The following POTEJ variants were observed in gnomAD, a reference collection of about 807,000 sequenced individuals.
POTEJ encodes POTE ankyrin domain family, member J.
Under a neutral mutation model 69.0 loss-of-function variants are expected in POTEJ, and 11 were observed. The ratio of observed to expected loss-of-function variants is 0.16; its 90% CI spans 0.10 to 0.26. The LOEUF is 0.26. POTEJ is among the 10% of genes least tolerant of loss of function. POTEJ has a pLI of 1.00. For missense variants in POTEJ, 327 were observed against 1,045.5 expected, an observed-to-expected ratio of 0.31 and a Z score of 9.48; for synonymous variants, 117 against 381.1, an observed-to-expected ratio of 0.31 and a Z score of 8.07.
intron 13 of POTEJ, among the ~76,000 whole-genome samples, chr2:130,654,670 A>T (rs139244514): frequency 0.019 from 2,760 of 142,574 alleles, 104 homozygotes; most frequent in African/African-American, 0.072. Context: ...TGCACAATGA[A>T]TGTAATTTAC....
intron 10 of POTEJ, among the ~76,000 whole-genome samples, chr2:130,642,287 G>C (rs1312929466): frequency 1.8e-5 from 2 of 113,996 alleles, no homozygotes; most frequent in Non-Finnish European, 3.5e-5. Context: ...TGGATGGAAA[G>C]ACTGGATAGA....
chr2:130,627,671 A>T (rs1685760640), intron 6 of POTEJ, among the ~76,000 whole-genome samples: 1 of 123,586 alleles, frequency 8.1e-6, no homozygotes, highest in Admixed American at 8.0e-5. Flanking sequence ...AAAGCAATAT[A>T]TAAATAACAA....
chr2:130,636,542 C>T (rs1431100401), intron 9 of POTEJ, among the ~76,000 whole-genome samples: 1 of 147,148 alleles, frequency 6.8e-6, no homozygotes, highest in Non-Finnish European at 1.5e-5. Context: ...CCACCACCCT[C>T]CCCATCAAAC....
At chr2:130,640,989 AG>A (rs1398619633) in intron 10 of POTEJ, among the ~76,000 whole-genome samples, 1 of 151,854 alleles carries the variant, frequency 6.6e-6, no homozygotes, top group Non-Finnish European at 1.5e-5. Flanking sequence ...AAAATGGGTT[AG>A]CAGGCTTTTT....
In POTEJ at chr2:130,634,106, A is replaced by C. The variant is rs533059241; in HGVS notation, c.1298+1450A>C. ...GACACTATGGACTGTAAAGTGAATA[A>C]GCATGGCTGTGTTCCAAAATACTTG... On this transcript the variant is annotated intron_variant, in intron 9 of 14. Coordinates refer to ENST00000409602, the MANE Select transcript of POTEJ (RefSeq NM_001277083.2). Among the ~76,000 whole-genome samples the C allele has an allele frequency of 8.3e-4, 127 of 152,280 alleles. 1 individual carries two copies. Among genetic ancestry groups the C allele is most frequent in the African/African-American group, 3.0e-3 (123 of 41,474 alleles).
At chr2:130,643,515 C>T (rs566402157) in intron 10 of POTEJ, among the ~76,000 whole-genome samples, 1 of 129,962 alleles carries the variant, frequency 7.7e-6, no homozygotes, top group East Asian at 2.1e-4. Context: ...GACCCTGACT[C>T]ATTAAAAAAA....
At chr2:130,639,373 T>C (rs1686248430) in intron 10 of POTEJ, among the ~76,000 whole-genome samples, 1 of 152,310 alleles carries the variant, frequency 6.6e-6, no homozygotes, top group Non-Finnish European at 1.5e-5. Context: ...ACTGACTTCA[T>C]TCCTCCTGTT....
At chr2:130,619,319 T>C (rs1380390719) in intron 3 of POTEJ, among the ~76,000 whole-genome samples, 1,717 of 143,710 alleles carry the variant, frequency 0.012, no homozygotes, top group African/African-American at 0.047. Context: ...TTCTAAACCA[T>C]TTTTTGTCAA....
In POTEJ at chr2:130,631,928, T is replaced by A. The variant is rs1394150406; in HGVS notation, c.1131+475T>A. Among the ~76,000 whole-genome samples the A allele has an allele frequency of 2.1e-5, 3 of 143,562 alleles. 1 individual carries two copies. The highest frequency in any genetic ancestry group is 4.5e-5 in the Non-Finnish European group (3 of 65,962). The allele number at this position is 143,562 out of a possible 152,430, so 94.2% of individuals were successfully genotyped here. On this transcript the variant is annotated intron_variant, in intron 8 of 14. Coordinates refer to ENST00000409602, the MANE Select transcript of POTEJ (RefSeq NM_001277083.2). The stretch of plus-strand genomic sequence containing the variant: ...TTTTGGCAAACTTTGGCTCCCATTT[T>A]CAGTGAGCACCATCATGTTTTTGAT...
rs1254925359 is a variant in POTEJ, at chr2:130,611,541, T to G, written c.9T>G (p.Ala3=). 1 of 858,746 alleles carries G rather than the reference T, an allele frequency of 1.2e-6. No homozygotes were observed. Among genetic ancestry groups the G allele is most frequent in the South Asian group, 1.4e-5 (1 of 73,408 alleles). 53.2% of individuals were successfully genotyped at this position (858,746 alleles called of 1,614,324 possible). A position where few individuals can be genotyped will look rare whatever the true frequency, so the allele number is the denominator to read the frequency against. ...CAGGCTGTTAAAAGCAGATGGTAGC[T>G]GAGGTTGATTCAATGCCGGCTGCCT... MV[A]EVDSMPAASS... is the part of the protein sequence containing the mutation. Residue 3 remains alanine (A), a synonymous_variant, in exon 1 of 15, where the codon GCT becomes GCG. Coordinates refer to ENST00000409602, the MANE Select transcript of POTEJ (RefSeq NM_001277083.2).
At chr2:130,636,269 G>A (rs1423243584) in intron 9 of POTEJ, among the ~76,000 whole-genome samples, 9 of 152,194 alleles carry the variant, frequency 5.9e-5, no homozygotes, top group African/African-American at 1.9e-4. Context: ...TTCTGAGGAA[G>A]AACCGTGTAC....
intron 6 of POTEJ, among the ~76,000 whole-genome samples, chr2:130,629,429 C>T (rs1216252266): frequency 1.4e-5 from 2 of 144,346 alleles, no homozygotes; most frequent in Non-Finnish European, 3.0e-5. Flanking sequence ...TGAGTGAATG[C>T]TGAGGGGAAG....
chr2:130,655,408 ACT>A (rs1162445723), intron 14 of POTEJ, among the ~76,000 whole-genome samples: 4 of 152,228 alleles, frequency 2.6e-5, no homozygotes, highest in African/African-American at 9.7e-5. Context: ...GATTATTTTC[ACT>A]GATAAGAAAG....
intron 1 of POTEJ, among the ~76,000 whole-genome samples, chr2:130,614,176 A>G (rs1338107447): frequency 6.6e-6 from 1 of 151,996 alleles, no homozygotes; most frequent in East Asian, 1.9e-4. Context: ...AGAAAAAAAA[A>G]AAAAAAAGGA....
intron 7 of POTEJ, among the ~76,000 whole-genome samples, chr2:130,630,948 G>A (rs1685875041): frequency 6.9e-6 from 1 of 144,004 alleles, no homozygotes; most frequent in South Asian, 2.1e-4. Context: ...ATCCAGTTAG[G>A]AATCTTTTAG....
chr2:130,625,321 G>T (rs1304463128), intron 6 of POTEJ, among the ~76,000 whole-genome samples: 1 of 152,052 alleles, frequency 6.6e-6, no homozygotes. Context: ...CTTTTAGATA[G>T]TAACCATTTT....
In POTEJ at chr2:130,657,124, G is replaced by A. The variant is rs1483521337; in HGVS notation, c.2364G>A (p.Glu788=). Residue 788 remains glutamate (E), a synonymous_variant, in exon 15 of 15, where the codon GAG becomes GAA. Coordinates refer to ENST00000409602, the MANE Select transcript of POTEJ (RefSeq NM_001277083.2). ...AGAAGATGACCCAGATCATGTTTGA[G>A]ACCTTCAACACCCCAGCCATGTACG... ...NREKMTQIMF[E]TFNTPAMYVA... 6 of 1,563,694 alleles carry A rather than the reference G, an allele frequency of 3.8e-6. No homozygotes were observed. The highest frequency in any genetic ancestry group is 5.2e-6 in the Non-Finnish European group (6 of 1,144,334).
At position 130,657,500 on chromosome 2, in the gene POTEJ, A is replaced by T. The variant is rs756689031; in HGVS notation, c.2740A>T (p.Ser914Cys). 59 of 1,569,422 alleles carry T rather than the reference A, an allele frequency of 3.8e-5. 12 individuals carry two copies. In the African/African-American group the frequency reaches 7.6e-4, roughly 20 times the overall value. The change falls in exon 15 of 15, where the codon AGC becomes TGC. Residue 914 changes from serine (S) to cysteine (C), a missense_variant. Physicochemically the swap from Ser to Cys is moderately radical, Grantham distance 112. Transcript: ENST00000409602. ...GCCCGATGGCCAGGTCATCACCATC[A>T]GCAACGAGTGGTTCCGCTGCCCCGA... ...ELPDGQVITI[S>C]NEWFRCPEAL...
chr2:130,636,293 C>T (rs1434727238), intron 9 of POTEJ, among the ~76,000 whole-genome samples: 1 of 152,206 alleles, frequency 6.6e-6, no homozygotes, highest in Non-Finnish European at 1.5e-5. Flanking sequence ...CCAGACACAT[C>T]ATGCTTAAGA....
Sources: allele counts gnomAD v4.1 joint callset (sites outside exome capture counted in the v4.1 genomes callset), GRCh38; gene constraint gnomAD v4.1.1; transcripts MANE v1.5; gene names NCBI Gene and HGNC (gene_info 2026-07-23, HGNC 2026-07-21).